The following KIRREL1 variants were observed in gnomAD, a reference collection of about 807,000 sequenced individuals.
The protein encoded by KIRREL1 is kin of IRRE-like protein 1.
KIRREL1 carries 25 observed loss-of-function variants against 83.3 expected under a neutral mutation model. The observed-to-expected ratio is 0.30, with a 90% CI of 0.22 to 0.42. The LOEUF (loss-of-function observed/expected upper bound fraction) is 0.42. KIRREL1 is among the 10% of genes least tolerant of loss of function. The pLI is 1.00. For missense variants in KIRREL1, 812 were observed against 1,032.3 expected, an observed-to-expected ratio of 0.79 and a Z score of 2.92; for synonymous variants, 388 against 410.4, an observed-to-expected ratio of 0.95 and a Z score of 0.66.
In KIRREL1 at chr1:158,078,157, C is replaced by A. The variant is rs1558013140; in HGVS notation, c.352+17C>A. The A allele has an allele frequency of 1.2e-6, 2 of 1,609,348 alleles. No homozygotes were observed. Among genetic ancestry groups the A allele is most frequent in the East Asian group, 4.5e-5 (2 of 44,706 alleles). ...CCGTGCTCAGTAAGGACCCCAATAC[C>A]CTTCAGTACTTCGAGGCCCTGTCTC... On this transcript the variant is annotated intron_variant, in intron 3 of 14. Coordinates refer to ENST00000359209, the MANE Select transcript of KIRREL1 (RefSeq NM_018240.7).
chr1:158,062,130 A>G (rs748009763), intron 1 of KIRREL1, among the ~76,000 whole-genome samples: 1 of 152,086 alleles, frequency 6.6e-6, no homozygotes. Context: ...TATCCTGTAA[A>G]TTTCTGAGAG....
rs867218249 is a variant in KIRREL1, at chr1:158,095,263, C to T, written c.*143C>T. 1.6e-6 allele frequency: 1 copy of T among 640,192 alleles called. No homozygotes were observed. Among genetic ancestry groups the T allele is most frequent in the African/African-American group, 1.8e-5 (1 of 54,636 alleles). 39.7% of individuals were successfully genotyped at this position (640,192 alleles called of 1,614,324 possible). On this transcript the variant is annotated 3_prime_UTR_variant, in exon 15 of 15. Coordinates refer to ENST00000359209, the MANE Select transcript of KIRREL1 (RefSeq NM_018240.7). ...ACCATGGCAGGTGGGGAGCAGGTCT[C>T]CCAGAAACACCCCGTCCCGAGGATG... is the stretch of plus-strand genomic sequence containing the variant.
chr1:157,996,872 T>C (rs767263012), intron 1 of KIRREL1, among the ~76,000 whole-genome samples: 3 of 152,078 alleles, frequency 2.0e-5, no homozygotes, highest in Non-Finnish European at 4.4e-5. Flanking sequence ...GCCTCAGCCC[T>C]GGGCCCCAGA....
intron 1 of KIRREL1, among the ~76,000 whole-genome samples, chr1:158,072,987 A>G (rs1177777504): frequency 6.6e-6 from 1 of 152,186 alleles, no homozygotes; most frequent in Non-Finnish European, 1.5e-5. Flanking sequence ...CAAGTGGCCT[A>G]GCATCTGGGT....
chr1:158,065,543 G>C (rs1033264207), intron 1 of KIRREL1, among the ~76,000 whole-genome samples: 3 of 152,170 alleles, frequency 2.0e-5, no homozygotes, highest in Non-Finnish European at 4.4e-5. Flanking sequence ...TCTTCTAGGA[G>C]GTGAGGTTAG....
chr1:158,099,933 G>A lies in KIRREL1; in HGVS notation c.*4813G>A, dbSNP rs1284675283. Reference sequence around the variant, plus strand: ...TCCAATTTCACCAGAAGAGGCCCAGGGCTCCCTGTGGTCACATTTTCTACC... The same window carrying A: ...TCCAATTTCACCAGAAGAGGCCCAGAGCTCCCTGTGGTCACATTTTCTACC... On this transcript the variant is annotated 3_prime_UTR_variant, in exon 15 of 15. Coordinates refer to ENST00000359209, the MANE Select transcript of KIRREL1 (RefSeq NM_018240.7). 4 of 151,984 alleles carry A rather than the reference G, an allele frequency of 2.6e-5. No homozygotes were observed. The highest frequency in any genetic ancestry group is 1.9e-4 in the East Asian group (1 of 5,186). The allele number at this position is 151,984 out of a possible 1,614,324, so 9.4% of individuals were successfully genotyped here.
chr1:158,084,998 G>A (rs966273451), intron 4 of KIRREL1, among the ~76,000 whole-genome samples: 8 of 152,298 alleles, frequency 5.3e-5, no homozygotes, highest in South Asian at 4.1e-4. Flanking sequence ...GGCACAGAGC[G>A]GGGGTTTGTA....
At chr1:158,063,577 C>G (rs139525640) in intron 1 of KIRREL1, among the ~76,000 whole-genome samples, 53 of 152,326 alleles carry the variant, frequency 3.5e-4, no homozygotes, top group African/African-American at 1.3e-3. Flanking sequence ...TTCCCATTTT[C>G]CAGCTTGCCC....
At chr1:158,026,709 T>G (rs182712718) in intron 1 of KIRREL1, among the ~76,000 whole-genome samples, 178 of 152,266 alleles carry the variant, frequency 1.2e-3, no homozygotes, top group Admixed American at 5.0e-3. Context: ...AGAACAGGAA[T>G]CGGAGTCACA....
At chr1:158,055,899 C>T (rs1661044960) in intron 1 of KIRREL1, among the ~76,000 whole-genome samples, 1 of 152,208 alleles carries the variant, frequency 6.6e-6, no homozygotes, top group African/African-American at 2.4e-5. Flanking sequence ...GTTGTGGTCC[C>T]ACATGGGGAC....
At chr1:158,082,253 G>C (rs1327666538) in intron 3 of KIRREL1, among the ~76,000 whole-genome samples, 1 of 152,074 alleles carries the variant, frequency 6.6e-6, no homozygotes, top group Non-Finnish European at 1.5e-5. Flanking sequence ...CATAGTCTAT[G>C]TATAGTATCT....
chr1:158,086,843 C>T (rs1488119824), intron 5 of KIRREL1, 97 bp downstream of exon 5: 8 of 1,153,420 alleles, frequency 6.9e-6, no homozygotes, highest in Non-Finnish European at 9.9e-6. Flanking sequence ...AACTAAGAGT[C>T]CCCCTATGGT....
In KIRREL1 at chr1:158,094,692, T is replaced by A. The variant is rs535184121; in HGVS notation, c.1846T>A (p.Ser616Thr). The A allele has an allele frequency of 1.2e-6, 2 of 1,611,082 alleles. No homozygotes were observed. The highest frequency in any genetic ancestry group is 2.7e-5 in the African/African-American group (2 of 74,944). ...CGTGCGTGCCCATGAAGACCGCCCG[T>A]CTTCCAGGGCAGTGCTCTATGCTGA... ...YNVRAHEDRP[S>T]SRAVLYADYR... is the part of the protein sequence containing the mutation. The change falls in exon 15 of 15, where the codon TCT becomes ACT. Residue 616 changes from serine (S) to threonine (T), a missense_variant. Physicochemically the swap from Ser to Thr is moderately conservative, Grantham distance 58 (BLOSUM62 1). Coordinates refer to ENST00000359209, the MANE Select transcript of KIRREL1 (RefSeq NM_018240.7). The surrounding 1 kb of genome is among the most constrained non-coding windows in gnomAD (Gnocchi z 4.6).
At chr1:158,001,055 G>A (rs898082505) in intron 1 of KIRREL1, among the ~76,000 whole-genome samples, 4 of 152,140 alleles carry the variant, frequency 2.6e-5, no homozygotes, top group African/African-American at 9.7e-5. Flanking sequence ...TGCCCAGCAG[G>A]TTTATCCCAG....
chr1:158,089,447 G>T, intron 8 of KIRREL1, 55 bp from the exon 9 acceptor site: 1 of 1,608,700 alleles, frequency 6.2e-7, no homozygotes, highest in Non-Finnish European at 8.5e-7. Context: ...GGCCCTCATG[G>T]ACCTAGGGGC....
chr1:158,062,656 C>T lies in KIRREL1; in HGVS notation c.53-13457C>T, dbSNP rs181913754. 9.4e-4 allele frequency among the ~76,000 whole-genome samples: 143 copies of T among 152,364 alleles called. 1 individual carries two copies. In the East Asian group the frequency reaches 0.022, roughly 23 times the overall value. The stretch of plus-strand genomic sequence containing the variant: ...TAGTATGTTGACGTGTGGTAACACA[C>T]TCACGCTTACCTAGACAGGTGAATG... On this transcript the variant is annotated intron_variant, in intron 1 of 14. Transcript: ENST00000359209.
intron 1 of KIRREL1, among the ~76,000 whole-genome samples, chr1:158,050,658 G>C (rs1352108795): frequency 1.3e-5 from 2 of 152,092 alleles, no homozygotes; most frequent in African/African-American, 2.4e-5. Context: ...GAACTGGGGA[G>C]GAAAATGGGG....
At chr1:158,013,857 A>G (rs1271910348) in intron 1 of KIRREL1, among the ~76,000 whole-genome samples, 1 of 152,180 alleles carries the variant, frequency 6.6e-6, no homozygotes, top group East Asian at 1.9e-4. Context: ...TGGTGACTTA[A>G]GGAGCTTACT....
chr1:158,008,902 G>T (rs1659595090), intron 1 of KIRREL1, among the ~76,000 whole-genome samples: 1 of 152,206 alleles, frequency 6.6e-6, no homozygotes, highest in African/African-American at 2.4e-5. Context: ...GCACAGGACA[G>T]GATGTAATGG....
Sources: gnomAD v4.1 joint callset for allele counts (sites outside exome capture counted in the v4.1 genomes callset) on GRCh38, gnomAD v4.1.1 for gene constraint, Gnocchi (gnomAD v3.1) non-coding constraint, MANE v1.5 for transcripts, NCBI Gene and HGNC (gene_info 2026-07-23, HGNC 2026-07-21) for gene names.